Variants in SLC30A7 observed in about 807,000 individuals in gnomAD.
SLC30A7 encodes solute carrier family 30 member 7, also known as zinc transporter 7.
Under a neutral mutation model 46.0 loss-of-function variants are expected in SLC30A7, and 35 were observed. The ratio of observed to expected loss-of-function variants is 0.76; its 90% CI spans 0.58 to 1.01. The LOEUF is 1.01. Among genes scored for constraint, SLC30A7 ranks in the 50% least tolerant of loss-of-function variants. SLC30A7 has a pLI of 0.00. For missense variants in SLC30A7, 464 were observed against 451.1 expected (o/e 1.03, Z -0.26); for synonymous variants, 147 against 157.8 (o/e 0.93, Z 0.51).
the SLC30A7 span, among the ~76,000 whole-genome samples, chr1:100,994,301 G>A: frequency 3.3e-5 from 5 of 152,074 alleles, no homozygotes; most frequent in South Asian, 1.0e-3. Flanking sequence ...TCCAATAACA[G>A]AGTATCATTT....
rs1557978691 is a variant in SLC30A7 at position 100,912,142 on chromosome 1, G to A, written c.415G>A (p.Glu139Lys). 6.2e-7 allele frequency: 1 copy of A among 1,613,876 alleles called. No homozygotes were observed. Among genetic ancestry groups the A allele is most frequent in the South Asian group, 1.1e-5 (1 of 91,072 alleles). The change falls in exon 5 of 11, where the codon GAG becomes AAG. Residue 139 changes from glutamate to lysine, a missense_variant. By Grantham distance (56) the Glu-to-Lys change is moderately conservative (BLOSUM62 1). Transcript: ENST00000357650. The part of the protein sequence containing the change: ...RALAPPDVHH[E>K]RLLLVSILGF... ...ATTAGCCCCTCCAGATGTCCACCAT[G>A]AGAGACTGCTTCTTGTTTCCATTCT... is the stretch of plus-strand genomic sequence containing the variant.
rs1656657521 is a variant in SLC30A7 at position 100,978,046 on chromosome 1, GCTC to G, written c.*3190_*3192del. On this transcript the variant is annotated 3_prime_UTR_variant, in exon 11 of 11. Transcript: ENST00000357650. ...TGAGACTACAGGTGTGAGCCACCGT[GCTC>G]AGCCACTAGCTTTGGTTTTTTAAAC... 6.6e-6 allele frequency: 1 copy of G among 152,270 alleles called. No individual in the cohort carries two copies. The highest frequency in any genetic ancestry group is 2.4e-5 in the African/African-American group (1 of 41,462). 9.4% of individuals were successfully genotyped at this position (152,270 alleles called of 1,614,324 possible). A position where few individuals can be genotyped will look rare whatever the true frequency, so the allele number is the denominator to read the frequency against.
chr1:100,899,050 T>C (rs1278212909), intron 2 of SLC30A7, among the ~76,000 whole-genome samples: 1 of 152,212 alleles, frequency 6.6e-6, no homozygotes, highest in Non-Finnish European at 1.5e-5. Flanking sequence ...AGGAAGAACT[T>C]AATTATAGTT....
chr1:100,955,523 A>C (rs1004579857), intron 8 of SLC30A7, among the ~76,000 whole-genome samples: 1 of 152,072 alleles, frequency 6.6e-6, no homozygotes, highest in Non-Finnish European at 1.5e-5. Flanking sequence ...GAATGCTAGA[A>C]TTGGGTTAGT....
At chr1:100,897,629 A>G (rs1051017377) in intron 2 of SLC30A7, among the ~76,000 whole-genome samples, 1 of 152,158 alleles carries the variant, frequency 6.6e-6, no homozygotes, top group African/African-American at 2.4e-5. Context: ...GCTGTCCTTG[A>G]TCTTCTGTTG....
intron 8 of SLC30A7, among the ~76,000 whole-genome samples, chr1:100,938,284 G>T (rs926398092): frequency 6.6e-6 from 1 of 152,140 alleles, no homozygotes; most frequent in Admixed American, 6.5e-5. Context: ...GATTTTGATA[G>T]GTAGCTAATG....
At chr1:100,962,202 G>A (rs1004158712) in intron 9 of SLC30A7, among the ~76,000 whole-genome samples, 2 of 152,118 alleles carry the variant, frequency 1.3e-5, no homozygotes, top group African/African-American at 2.4e-5. Context: ...GAGTTTTTGA[G>A]CTCCCACTCT....
intron 8 of SLC30A7, among the ~76,000 whole-genome samples, chr1:100,931,050 A>G (rs1159659838): frequency 6.6e-6 from 1 of 152,168 alleles, no homozygotes; most frequent in African/African-American, 2.4e-5. Context: ...TCATTGGTTC[A>G]GATGAGGAAC....
At chr1:100,991,044 TCA>T in the SLC30A7 span, among the ~76,000 whole-genome samples, 4 of 152,348 alleles carry the variant, frequency 2.6e-5, no homozygotes, top group Admixed American at 2.6e-4. Flanking sequence ...TGAAATAAAT[TCA>T]CAGATTTGAG....
At chr1:100,921,632 T>C in intron 7 of SLC30A7, 74 bp from the exon 8 acceptor site, 1 of 1,212,124 alleles carries the variant, frequency 8.2e-7, no homozygotes, top group Non-Finnish European at 1.2e-6. Flanking sequence ...AAATTAAGAG[T>C]ATAGCTCTAG....
chr1:100,915,193 T>TTTTCTTTCTTTCTTTCTTTCTTTC (rs200989431), intron 6 of SLC30A7, among the ~76,000 whole-genome samples: 10 of 90,788 alleles, frequency 1.1e-4, no homozygotes, highest in Non-Finnish European at 1.5e-4. Context: ...CTTTTCTTTC[T>TTTTCTTTCTTTCTTTCTTTCTTTC]TTTCTTTCTT....
At chr1:100,898,514 A>G (rs1186913205) in intron 2 of SLC30A7, among the ~76,000 whole-genome samples, 1 of 152,182 alleles carries the variant, frequency 6.6e-6, no homozygotes, top group African/African-American at 2.4e-5. Flanking sequence ...ATCTAGCTCC[A>G]GTGCATGTTG....
At position 100,977,585 on chromosome 1, in the gene SLC30A7, TAAAAA is replaced by T. The variant is rs1055223237; in HGVS notation, c.*2731_*2735del. On this transcript the variant is annotated 3_prime_UTR_variant, in exon 11 of 11. Coordinates refer to ENST00000357650, the MANE Select transcript of SLC30A7 (RefSeq NM_133496.5). ...ATGTCCCTGATATTGAGCTAACTCT[TAAAAA>T]AACCAAACAAAACTCGTATCTGAGT... 3 of 152,128 alleles carry T rather than the reference TAAAAA, an allele frequency of 2.0e-5. No individual in the cohort carries two copies. Among genetic ancestry groups the T allele is most frequent in the Admixed American group, 6.5e-5 (1 of 15,278 alleles). The allele number at this position is 152,128 out of a possible 1,614,324, so 9.4% of individuals were successfully genotyped here.
the SLC30A7 span, among the ~76,000 whole-genome samples, chr1:100,993,734 A>G: frequency 1.1e-4 from 16 of 150,900 alleles, no homozygotes; most frequent in South Asian, 2.1e-4. Context: ...TTAACAAAAA[A>G]GTTTGTAAAA....
At chr1:100,913,524 G>C in intron 5 of SLC30A7, 139 bp from the exon 6 acceptor site, 1 of 661,088 alleles carries the variant, frequency 1.5e-6, no homozygotes, top group South Asian at 2.0e-5. Flanking sequence ...TTTAACAAAT[G>C]TGTAACACTT....
Position 100,896,325 on chromosome 1 carries a change from G to A in SLC30A7, c.63G>A (p.Lys21=). 1 of 1,614,216 alleles carries A rather than the reference G, an allele frequency of 6.2e-7. No individual in the cohort carries two copies. Among genetic ancestry groups the A allele is most frequent in the Non-Finnish European group, 8.5e-7 (1 of 1,180,036 alleles). Residue 21 remains lysine, a synonymous_variant, in exon 1 of 11, where the codon AAG becomes AAA. Transcript: ENST00000357650. Reference sequence around the variant, plus strand: ...CACCCAAGTTCAATTTGTTCGGCAAGATCTCGGGCTGGTTTAGGTGCGGGG... The same window carrying A: ...CACCCAAGTTCAATTTGTTCGGCAAAATCTCGGGCTGGTTTAGGTGCGGGG... ...YKPPKFNLFG[K]ISGWFRSILS...
intron 8 of SLC30A7, among the ~76,000 whole-genome samples, chr1:100,943,468 G>A (rs1467058669): frequency 6.6e-6 from 1 of 152,200 alleles, no homozygotes; most frequent in Non-Finnish European, 1.5e-5. Flanking sequence ...GTCCTTTTGG[G>A]TTTTTATGGA....
At position 100,896,538 on chromosome 1, in the gene SLC30A7, TC is replaced by T. The variant is rs1166627473; in HGVS notation, c.81-29del. The T allele has an allele frequency of 1.9e-6, 3 of 1,599,090 alleles. 1 individual carries two copies. The South Asian group carries it at 3.3e-5, about 18-fold the overall frequency. On this transcript the variant is annotated intron_variant, in intron 1 of 10. Coordinates refer to ENST00000357650, the MANE Select transcript of SLC30A7 (RefSeq NM_133496.5). Reference sequence around the variant, plus strand: ...CGGGGTCCCGGCACCTCCTTAACTCTCCCGGCTCTTTTCCACGTGTATCATT... The same window carrying T: ...CGGGGTCCCGGCACCTCCTTAACTCTCCGGCTCTTTTCCACGTGTATCATT...
At chr1:100,985,472 T>C (rs566381731), downstream of SLC30A7, among the ~76,000 whole-genome samples, 372 of 152,190 alleles carry the variant, frequency 2.4e-3, no homozygotes, top group Non-Finnish European at 4.4e-3. Context: ...TAAAACAACT[T>C]TGAAAAAAGA....
Sources: allele counts gnomAD v4.1 joint callset (sites outside exome capture counted in the v4.1 genomes callset), GRCh38; gene constraint gnomAD v4.1.1; transcripts MANE v1.5; gene names NCBI Gene and HGNC (gene_info 2026-07-23, HGNC 2026-07-21).